The following CHST15 variants were observed in gnomAD, a reference collection of about 807,000 sequenced individuals.
CHST15 encodes carbohydrate sulfotransferase 15.
CHST15 carries 30 observed loss-of-function variants against 53.6 expected under a neutral mutation model. The observed-to-expected ratio is 0.56, with a 90% confidence interval of 0.42 to 0.76. CHST15 has a LOEUF of 0.76. CHST15 is among the 30% of genes least tolerant of loss of function. The pLI is 0.00. For missense variants in CHST15, 627 were observed against 740.5 expected (o/e 0.85, Z 1.78); for synonymous variants, 296 against 289.8 (o/e 1.02, Z -0.22).
At chr10:124,067,207 A>G (rs1286538199) in intron 1 of CHST15, among the ~76,000 whole-genome samples, 1 of 152,262 alleles carries the variant, frequency 6.6e-6, no homozygotes, top group Non-Finnish European at 1.5e-5. Flanking sequence ...TTTTCAGAGC[A>G]TGAAGCCCAG....
Position 124,051,163 on chromosome 10 carries a change from G to A in CHST15, c.-512-4439C>T, listed in dbSNP as rs545808978. Among the ~76,000 whole-genome samples, 12 of 152,148 alleles carry A rather than the reference G, an allele frequency of 7.9e-5. No individual in the cohort carries two copies. In the South Asian group the frequency reaches 8.3e-4, roughly 11 times the overall value. The stretch of plus-strand genomic sequence containing the variant: ...TCACCATGTTGGCCAGGCTAGTCTC[G>A]AACTCTTGGCCTCAAGTGATCCAGC... On this transcript the variant is annotated intron_variant, in intron 1 of 7. Coordinates refer to ENST00000435907, the MANE Select transcript of CHST15 (RefSeq NM_001270764.2).
intron 5 of CHST15, among the ~76,000 whole-genome samples, chr10:124,021,761 A>C (rs1317962109): frequency 6.6e-6 from 1 of 152,234 alleles, no homozygotes; most frequent in Admixed American, 6.5e-5. Context: ...ACTAGCAAAG[A>C]GAAGCCATGA....
chr10:124,018,392 A>G (rs1946657469), intron 6 of CHST15, among the ~76,000 whole-genome samples: 1 of 152,244 alleles, frequency 6.6e-6, no homozygotes, highest in Admixed American at 6.5e-5. Flanking sequence ...GCATTTATAA[A>G]TATTGGCTGA....
At chr10:124,039,144 T>C (rs1386235510) in intron 4 of CHST15, among the ~76,000 whole-genome samples, 1 of 152,236 alleles carries the variant, frequency 6.6e-6, no homozygotes, top group East Asian at 1.9e-4. Context: ...GGTTTTCCTG[T>C]ATAGTATTCC....
chr10:124,035,100 C>CGGGG (rs1947414163), intron 5 of CHST15, among the ~76,000 whole-genome samples: 1 of 126,848 alleles, frequency 7.9e-6, no homozygotes, highest in African/African-American at 3.1e-5. Context: ...CCACCCCTAA[C>CGGGG]AGGGACCCCG....
chr10:124,081,288 C>T (rs1266762792), intron 1 of CHST15, among the ~76,000 whole-genome samples: 2 of 152,208 alleles, frequency 1.3e-5, no homozygotes, highest in African/African-American at 4.8e-5. Context: ...ACAATCACTG[C>T]TAAGTTCCCT....
chr10:124,084,300 C>G (rs1443872926), intron 1 of CHST15, among the ~76,000 whole-genome samples: 1 of 152,206 alleles, frequency 6.6e-6, no homozygotes, highest in East Asian at 1.9e-4. Context: ...GCCCTTCATC[C>G]TGTGATGAGA....
intron 5 of CHST15, among the ~76,000 whole-genome samples, chr10:124,032,317 G>T (rs1158660455): frequency 6.6e-6 from 1 of 152,102 alleles, no homozygotes; most frequent in African/African-American, 2.4e-5. Context: ...CCTGTGGTGG[G>T]TTGTTTCTGG....
intron 1 of CHST15, among the ~76,000 whole-genome samples, chr10:124,088,308 C>T (rs1372820520): frequency 6.6e-6 from 1 of 152,228 alleles, no homozygotes; most frequent in Non-Finnish European, 1.5e-5. Context: ...CTGACTTGCA[C>T]GAGCTCCGCC....
chr10:124,026,270 G>A (rs2133891628), intron 5 of CHST15, among the ~76,000 whole-genome samples: 1 of 152,266 alleles, frequency 6.6e-6, no homozygotes, highest in Non-Finnish European at 1.5e-5. Flanking sequence ...CACTCTTTGG[G>A]TTCTCCCCAA....
chr10:124,044,920 C>T lies in CHST15; in HGVS notation c.547-1G>A. 1 of 1,438,110 alleles carries T rather than the reference C, an allele frequency of 7.0e-7. No homozygotes were observed. Among genetic ancestry groups the T allele is most frequent in the Non-Finnish European group, 9.2e-7 (1 of 1,091,468 alleles). The allele number at this position is 1,438,110 out of a possible 1,614,324, so 89.1% of individuals were successfully genotyped here. On this transcript the variant is annotated splice_acceptor_variant, in intron 2 of 7. Coordinates refer to ENST00000435907, the MANE Select transcript of CHST15 (RefSeq NM_001270764.2). LOFTEE classifies it high-confidence loss of function. ...ATTTGTTGGGGATGACTGAAAACAT[C>T]TGCAAGGAAACAGAGGAGGAGAGAC...
intron 1 of CHST15, among the ~76,000 whole-genome samples, chr10:124,057,602 A>G (rs1280087635): frequency 6.6e-6 from 1 of 152,180 alleles, no homozygotes; most frequent in Non-Finnish European, 1.5e-5. Context: ...AGGCTCCAGA[A>G]AAATGCCCAC....
chr10:124,053,296 G>C (rs1328344440), intron 1 of CHST15, among the ~76,000 whole-genome samples: 1 of 152,098 alleles, frequency 6.6e-6, no homozygotes, highest in African/African-American at 2.4e-5. Context: ...GGCAGAAGTG[G>C]GCTTAAAGCT....
chr10:124,035,787 T>C (rs1271313578), intron 5 of CHST15, among the ~76,000 whole-genome samples: 1 of 152,162 alleles, frequency 6.6e-6, no homozygotes, highest in Non-Finnish European at 1.5e-5. Context: ...CAAAACCCAG[T>C]CTGGCATCAG....
At chr10:124,018,979 T>G (rs1431634244) in intron 6 of CHST15, among the ~76,000 whole-genome samples, 2 of 152,146 alleles carry the variant, frequency 1.3e-5, no homozygotes, top group Admixed American at 6.5e-5. Flanking sequence ...CGTTCCCCGA[T>G]TTGTGTGCCA....
chr10:124,020,998 G>T, intron 6 of CHST15: 6 of 1,417,980 alleles, frequency 4.2e-6, no homozygotes, highest in Non-Finnish European at 5.5e-6. Context: ...CTTCCTAAAG[G>T]CACCCTCATC....
At chr10:124,066,402 T>G (rs911750485) in intron 1 of CHST15, among the ~76,000 whole-genome samples, 1 of 152,092 alleles carries the variant, frequency 6.6e-6, no homozygotes, top group African/African-American at 2.4e-5. Context: ...TGTCACTGCT[T>G]CTGCATCTAT....
rs143866102 is a variant in CHST15, at chr10:124,038,187, G to A, written c.1190+328C>T. ...AGTTGCACCATCTTGGCCCACTGCAGCCTCCGCCTCCTGGATTCAAGCGAT... is the reference window on the plus strand; with the variant it reads ...AGTTGCACCATCTTGGCCCACTGCAACCTCCGCCTCCTGGATTCAAGCGAT... On this transcript the variant is annotated intron_variant, in intron 5 of 7. Coordinates refer to ENST00000435907, the MANE Select transcript of CHST15 (RefSeq NM_001270764.2). Among the ~76,000 whole-genome samples, 1,264 of 151,140 alleles carry A rather than the reference G, an allele frequency of 8.4e-3. 13 individuals are homozygous for A. Among genetic ancestry groups the A allele is most frequent in the African/African-American group, 0.024 (970 of 41,220 alleles).
Position 124,011,094 on chromosome 10 carries a change from G to A in CHST15, c.1496-755C>T, listed in dbSNP as rs1946404612. On this transcript the variant is annotated intron_variant, in intron 7 of 7. Coordinates refer to ENST00000435907, the MANE Select transcript of CHST15 (RefSeq NM_001270764.2). Reference sequence around the variant, plus strand: ...GGGAGGGGCTGTCAGTCACGCACACGCCCCGCCCTCTGGAGTGAGAGGCCC... The same window carrying A: ...GGGAGGGGCTGTCAGTCACGCACACACCCCGCCCTCTGGAGTGAGAGGCCC... The A allele has an allele frequency of 3.1e-6, 3 of 982,536 alleles. No individual in the cohort carries two copies. In the South Asian group the frequency reaches 1.4e-4, roughly 46 times the overall value. 60.9% of individuals were successfully genotyped at this position (982,536 alleles called of 1,614,324 possible).
Sources: allele counts gnomAD v4.1 joint callset (sites outside exome capture counted in the v4.1 genomes callset), GRCh38; gene constraint gnomAD v4.1.1; transcripts MANE v1.5; gene names NCBI Gene and HGNC (gene_info 2026-07-23, HGNC 2026-07-21).